EPB41: variants seen among roughly 807,000 people sequenced by gnomAD.
EPB41 encodes erythrocyte membrane protein band 4.1, also known as protein 4.1.
A neutral mutation model predicts 108.0 loss-of-function variants in EPB41; 65 were observed. That is an observed-to-expected ratio of 0.60 (90% CI 0.49 to 0.74). The LOEUF (loss-of-function observed/expected upper bound fraction) is 0.74. Among genes scored for constraint, EPB41 ranks in the 30% least tolerant of loss-of-function variants. The pLI, the probability that EPB41 is intolerant of heterozygous loss-of-function variation, is 0.00. For synonymous variants in EPB41, 336 were observed against 358.9 expected (o/e 0.94, Z 0.72); for missense variants, 875 against 1,037.0 (o/e 0.84, Z 2.15).
At chr1:28,911,322 G>C (rs1330903969), upstream of EPB41, among the ~76,000 whole-genome samples, 1 of 152,122 alleles carries the variant, frequency 6.6e-6, no homozygotes, top group African/African-American at 2.4e-5. Context: ...CTGGAATTCA[G>C]GTCTTTCAGA....
chr1:28,889,229 T>C (rs2089827528), intron 1 of EPB41, among the ~76,000 whole-genome samples: 1 of 152,192 alleles, frequency 6.6e-6, no homozygotes, highest in Non-Finnish European at 1.5e-5. Flanking sequence ...CGGTAGCTGG[T>C]CTGATAGCAG....
rs537469371 is a variant in EPB41 at position 29,116,150 on chromosome 1, CT to C, written c.*6+366del. ...CTGCTTGCTGCTGTCACAGGTCTCT[CT>C]TTTTTTTTTTTTTTTTTTGAGACGG... On this transcript the variant is annotated intron_variant, in intron 20 of 20. Transcript: ENST00000343067. 4.2e-4 allele frequency among the ~76,000 whole-genome samples: 48 copies of C among 113,762 alleles called. 1 individual carries two copies. The highest frequency in any genetic ancestry group is 1.3e-3 in the East Asian group (5 of 3,998). The allele number at this position is 113,762 out of a possible 152,430, so 74.6% of individuals were successfully genotyped here.
chr1:29,015,578 G>GAA (rs11433402), intron 5 of EPB41, 114 bp from the exon 6 acceptor site: 5,529 of 615,326 alleles, frequency 9.0e-3, no homozygotes, highest in East Asian at 0.025. Flanking sequence ...CCGTCTCAAA[G>GAA]AAAAAAAAAA....
intron 10 of EPB41, among the ~76,000 whole-genome samples, chr1:29,038,313 AAGG>A (rs1640267649): frequency 6.6e-6 from 1 of 152,194 alleles, no homozygotes; most frequent in African/African-American, 2.4e-5. Context: ...TAAAAAGAGC[AAGG>A]AGGAGTAAAA....
chr1:29,015,337 C>A (rs1005713811), intron 5 of EPB41, among the ~76,000 whole-genome samples: 5 of 152,106 alleles, frequency 3.3e-5, no homozygotes, highest in African/African-American at 9.7e-5. Flanking sequence ...GCGGGTGGAT[C>A]GCCTGAGGTT....
chr1:28,972,519 A>G (rs576330809), intron 1 of EPB41, among the ~76,000 whole-genome samples: 1 of 152,310 alleles, frequency 6.6e-6, no homozygotes, highest in African/African-American at 2.4e-5. Flanking sequence ...TAGTCACCAT[A>G]GAAATGACTT....
chr1:29,060,721 T>C (rs1447748331), intron 15 of EPB41, among the ~76,000 whole-genome samples: 1 of 152,240 alleles, frequency 6.6e-6, no homozygotes, highest in African/African-American at 2.4e-5. Context: ...TGATTGGGAC[T>C]ACCTCTACCT....
At chr1:28,968,762 G>A (rs1168138512) in intron 1 of EPB41, among the ~76,000 whole-genome samples, 1 of 151,938 alleles carries the variant, frequency 6.6e-6, no homozygotes, top group East Asian at 1.9e-4. Flanking sequence ...CCAGAAGTTC[G>A]AGACCAGCCT....
chr1:28,888,962 G>T (rs1009516507), intron 1 of EPB41, among the ~76,000 whole-genome samples: 1 of 152,158 alleles, frequency 6.6e-6, no homozygotes, highest in East Asian at 1.9e-4. Context: ...GAAACTTTGC[G>T]CAAGGAGGTA....
In EPB41 at chr1:29,035,806, GTTTA is replaced by G. The variant is rs777990310; in HGVS notation, c.1366-16_1366-13del. The G allele has an allele frequency of 3.7e-5, 58 of 1,575,694 alleles. No homozygotes were observed. The highest frequency in any genetic ancestry group is 4.9e-5 in the Non-Finnish European group (56 of 1,145,206). On this transcript the variant is annotated splice_polypyrimidine_tract_variant and intron_variant, in intron 9 of 20. Coordinates refer to ENST00000343067, the MANE Select transcript of EPB41 (RefSeq NM_001376013.1). ...TCACATGTAATACTTCATGTCCCAT[GTTTA>G]TTTGTGTTTTTGTAGCAAGAGCAGT...
intron 2 of EPB41, among the ~76,000 whole-genome samples, chr1:28,990,797 A>T (rs2096001384): frequency 6.6e-6 from 1 of 152,154 alleles, no homozygotes; most frequent in Admixed American, 6.5e-5. Flanking sequence ...TAACATTTGA[A>T]TCAGAACTTG....
chr1:29,031,239 A>G (rs2096786118), intron 8 of EPB41, among the ~76,000 whole-genome samples: 1 of 152,334 alleles, frequency 6.6e-6, no homozygotes, highest in East Asian at 1.9e-4. Flanking sequence ...TAGCCCCTAG[A>G]GAAAAAGAAA....
Position 29,018,451 on chromosome 1 carries a change from G to A in EPB41, c.1124+9G>A, listed in dbSNP as rs2096603799. On this transcript the variant is annotated intron_variant, in intron 7 of 20. Coordinates refer to ENST00000343067, the MANE Select transcript of EPB41 (RefSeq NM_001376013.1). This position sits in a 1 kb window ranked among gnomAD's most constrained non-coding sequence, Gnocchi z 4.4. ...CTGCATAAGTCATACAGGTGAATAT[G>A]TCTCCAGGGTTTGTTCGGTGTTTGT... The A allele has an allele frequency of 6.2e-7, 1 of 1,612,094 alleles. No individual in the cohort carries two copies. The highest frequency in any genetic ancestry group is 2.2e-5 in the East Asian group (1 of 44,792).
rs1383625064 is a variant in EPB41, at chr1:28,887,324, C to A, written c.-8+114C>A. On this transcript the variant is annotated intron_variant, in intron 1 of 16. Coordinates refer to the EPB41 transcript ENST00000347529. This position sits in a 1 kb window ranked among gnomAD's most constrained non-coding sequence, Gnocchi z 4.9. Reference sequence around the variant, plus strand: ...GTCCCGGGAGAGGCGAGACCAGGGTCGAAGGGTCCAGGGCTGAGGGGTCCA... The same window carrying A: ...GTCCCGGGAGAGGCGAGACCAGGGTAGAAGGGTCCAGGGCTGAGGGGTCCA... 8.3e-7 allele frequency: 1 copy of A among 1,199,424 alleles called. No homozygotes were observed. The highest frequency in any genetic ancestry group is 1.1e-6 in the Non-Finnish European group (1 of 946,206). The allele number at this position is 1,199,424 out of a possible 1,614,324, so 74.3% of individuals were successfully genotyped here.
rs1315216820 is a variant in EPB41 at position 28,887,995 on chromosome 1, C to T, written c.-8+785C>T. Among the ~76,000 whole-genome samples, 1 of 152,218 alleles carries T rather than the reference C, an allele frequency of 6.6e-6. No individual in the cohort carries two copies. The highest frequency in any genetic ancestry group is 1.9e-4 in the East Asian group (1 of 5,188). On this transcript the variant is annotated intron_variant, in intron 1 of 16. Transcript: ENST00000347529. This position sits in a 1 kb window ranked among gnomAD's most constrained non-coding sequence, Gnocchi z 4.9. ...TTGTCTCGCCCTCACCTACACTTCC[C>T]GGCAGGCCCCACCTCTTCAGGGTGG...
Position 29,035,888 on chromosome 1 carries a change from A to G in EPB41, c.1428A>G (p.Leu476=), listed in dbSNP as rs200163475. 6.2e-6 allele frequency: 10 copies of G among 1,614,004 alleles called. No individual in the cohort carries two copies. The Admixed American group carries it at 1.5e-4, about 24-fold the overall frequency. The part of the protein sequence containing the change: ...KLPSYRAAKK[L]WKVCVEHHTF... ...CCAGTTACCGAGCAGCTAAGAAATT[A>G]TGGAAAGTCTGTGTAGAACATCACA... is the stretch of plus-strand genomic sequence containing the variant. Residue 476 remains leucine, a synonymous_variant, in exon 10 of 21, where the codon TTA becomes TTG. Transcript: ENST00000343067.
intron 20 of EPB41, among the ~76,000 whole-genome samples, chr1:29,116,516 G>T (rs901131991): frequency 3.3e-5 from 5 of 152,180 alleles, no homozygotes; most frequent in Admixed American, 2.6e-4. Flanking sequence ...AAGAAGAGCA[G>T]GATCAGGCTG....
At chr1:29,061,605 G>A (rs1477372128) in intron 15 of EPB41, among the ~76,000 whole-genome samples, 1 of 96,382 alleles carries the variant, frequency 1.0e-5, no homozygotes, top group African/African-American at 4.5e-5. Context: ...TTTTGAGGCG[G>A]GTCTCACAGT....
intron 16 of EPB41, among the ~76,000 whole-genome samples, chr1:29,080,332 C>T (rs1656032303): frequency 6.6e-6 from 1 of 151,772 alleles, no homozygotes; most frequent in Non-Finnish European, 1.5e-5. Flanking sequence ...GAACTCTGGA[C>T]CTCAAATGAT....
Sources: allele counts gnomAD v4.1 joint callset (sites outside exome capture counted in the v4.1 genomes callset), GRCh38; gene constraint gnomAD v4.1.1; non-coding constraint Gnocchi (gnomAD v3.1); transcripts MANE v1.5; gene names NCBI Gene and HGNC (gene_info 2026-07-23, HGNC 2026-07-21).